Variants in SRP14 observed in about 807,000 individuals in gnomAD.
SRP14 encodes the protein signal recognition particle 14, also known as signal recognition particle 14 kDa protein.
SRP14 carries 1 observed loss-of-function variant against 16.0 expected under a neutral mutation model. That is an observed-to-expected ratio of 0.06 (90% CI 0.02 to 0.30). The LOEUF is 0.30. Ranked by LOEUF, SRP14 falls within the 10% of genes least tolerant of loss-of-function variation. SRP14 has a pLI of 1.00. For synonymous variants in SRP14, 67 were observed against 60.1 expected (o/e 1.12, Z -0.53); for missense variants, 120 against 163.1 (o/e 0.74, Z 1.44).
In SRP14 at chr15:40,036,356, TTGTTGCTGCTGTTGTTGGTGC is replaced by T. The variant is rs747759842; in HGVS notation, c.367_387del (p.Ala123_Thr129del). 1.9e-6 allele frequency: 3 copies of T among 1,609,238 alleles called. No individual in the cohort carries two copies. Among genetic ancestry groups the T allele is most frequent in the African/African-American group, 1.3e-5 (1 of 74,574 alleles). ...CTTTACTGTGCTGCTGTTGCTGCTG[TTGTTGCTGCTGTTGTTGGTGC>T]TGTTGCTGCTGCGGCAGGTGCTGCT... On this transcript the variant is annotated inframe_deletion, in exon 5 of 5. Transcript: ENST00000267884.
intron 4 of SRP14, 109 bp from the exon 5 acceptor site, chr15:40,036,609 A>G (rs2035627689): frequency 2.8e-6 from 3 of 1,078,684 alleles, no homozygotes; most frequent in Admixed American, 4.1e-5. Flanking sequence ...GAAAGAATAT[A>G]GCACCATTGG....
chr15:40,038,237 TC>T (rs753408818), intron 3 of SRP14, 44 bp downstream of exon 3: 1 of 1,472,030 alleles, frequency 6.8e-7, no homozygotes, highest in Non-Finnish European at 9.5e-7. Flanking sequence ...TCTGTTAAGT[TC>T]AAGTCTTTAC....
At chr15:40,038,234 A>G in intron 3 of SRP14, 48 bp downstream of exon 3, 2 of 1,455,728 alleles carry the variant, frequency 1.4e-6, no homozygotes, top group Middle Eastern at 2.2e-4. Flanking sequence ...TCCTCTGTTA[A>G]GTTCAAGTCT....
intron 4 of SRP14, chr15:40,036,783 C>T: frequency 1.5e-6 from 1 of 670,196 alleles, no homozygotes. Flanking sequence ...TATCTACAGC[C>T]TAAGACAAAA....
intron 2 of SRP14, 105 bp downstream of exon 2, chr15:40,038,771 T>G: frequency 8.2e-7 from 1 of 1,220,052 alleles, no homozygotes; most frequent in Non-Finnish European, 1.2e-6. Context: ...CAGTACAGGG[T>G]GGGGAAAGGT....
In SRP14 at chr15:40,038,291, G is replaced by C; in HGVS notation, c.201C>G (p.Ile67Met). Reference protein sequence around the residue: ...LLRATDGKKKISTVVSSKEVN... With the variant: ...LLRATDGKKKMSTVVSSKEVN... The stretch of plus-strand genomic sequence containing the variant: ...TAGAAATTAAGCTCACCACAGTGCT[G>C]ATCTTCTTCTTCCCATCGGTAGCTC... The change falls in exon 3 of 5, where the codon ATC becomes ATG. Residue 67 changes from isoleucine to methionine, a missense_variant. Around this residue, in one of 3 missense-constraint regions of SRP14, gnomAD observed 44 missense variants for 93.1 expected, o/e 0.47. Transcript: ENST00000267884. The C allele has an allele frequency of 6.2e-7, 1 of 1,612,036 alleles. No individual in the cohort carries two copies. The highest frequency in any genetic ancestry group is 1.3e-5 in the African/African-American group (1 of 75,018).
intron 3 of SRP14, 34 bp from the exon 4 acceptor site, chr15:40,037,052 T>C (rs1200048861): frequency 6.2e-7 from 1 of 1,610,458 alleles, no homozygotes; most frequent in Admixed American, 1.7e-5. Flanking sequence ...TCATACCTAT[T>C]ATCCATATAA....
intron 4 of SRP14, 32 bp downstream of exon 4, chr15:40,036,954 G>A (rs2035634175): frequency 6.2e-7 from 1 of 1,612,518 alleles, no homozygotes; most frequent in Non-Finnish European, 8.5e-7. Flanking sequence ...CTTGCCCTGA[G>A]AAGGGAAACA....
chr15:40,038,138 T>C, intron 3 of SRP14, 144 bp downstream of exon 3: 1 of 661,000 alleles, frequency 1.5e-6, no homozygotes, highest in South Asian at 1.7e-5. Context: ...TTTCCACTAC[T>C]AAAGTATAGG....
At chr15:40,036,689 CAG>C (rs2035628895) in intron 4 of SRP14, 189 bp from the exon 5 acceptor site, 1 of 695,330 alleles carries the variant, frequency 1.4e-6, no homozygotes. Context: ...GCAACACCCA[CAG>C]ACAGTTGCAC....
Position 40,036,091 on chromosome 15 carries a change from A to G in SRP14, c.*242T>C, listed in dbSNP as rs4770. ...GCTTGCTCTTCACAGAGATGTCTACAGAGACTTTTAATCTATAATCCAGGA... is the reference window on the plus strand; with the variant it reads ...GCTTGCTCTTCACAGAGATGTCTACGGAGACTTTTAATCTATAATCCAGGA... On this transcript the variant is annotated 3_prime_UTR_variant, in exon 5 of 5. Coordinates refer to ENST00000267884, the MANE Select transcript of SRP14 (RefSeq NM_003134.6). 0.28 allele frequency: 164,437 copies of G among 587,842 alleles called. 26,219 individuals carry two copies. The highest frequency in any genetic ancestry group is 0.33 in the Non-Finnish European group (115,245 of 349,684). The allele number at this position is 587,842 out of a possible 1,614,324, so 36.4% of individuals were successfully genotyped here. A position where few individuals can be genotyped will look rare whatever the true frequency, so the allele number is the denominator to read the frequency against.
chr15:40,037,968 T>C (rs1007977787), intron 3 of SRP14, among the ~76,000 whole-genome samples: 7 of 152,214 alleles, frequency 4.6e-5, no homozygotes, highest in African/African-American at 1.4e-4. Flanking sequence ...AAACTGCTTA[T>C]TGAAGGCCCA....
chr15:40,035,950 T>TAA lies in SRP14; in HGVS notation c.*381_*382dup, dbSNP rs1447125315. 1 of 190,488 alleles carries TAA rather than the reference T, an allele frequency of 5.2e-6. No homozygotes were observed. The highest frequency in any genetic ancestry group is 1.1e-5 in the Non-Finnish European group (1 of 92,930). The allele number at this position is 190,488 out of a possible 1,614,324, so 11.8% of individuals were successfully genotyped here. A position where few individuals can be genotyped will look rare whatever the true frequency, so the allele number is the denominator to read the frequency against. ...AATAACCTAGAAGATATTATAGAGC[T>TAA]AAAGCCTATTCATTAATCACATCAT... On this transcript the variant is annotated 3_prime_UTR_variant, in exon 5 of 5. Transcript: ENST00000267884.
intron 2 of SRP14, 70 bp from the exon 3 acceptor site, chr15:40,038,464 CAGA>C: frequency 9.2e-7 from 1 of 1,084,282 alleles, no homozygotes; most frequent in African/African-American, 1.5e-5. Flanking sequence ...ACAGTTAAAA[CAGA>C]GGAGTGGGGT....
At position 40,038,321 on chromosome 15, in the gene SRP14, C is replaced by T. The variant is rs747748361; in HGVS notation, c.171G>A (p.Leu57=). Residue 57 remains leucine, a synonymous_variant, in exon 3 of 5, where the codon CTG becomes CTA. Coordinates refer to ENST00000267884, the MANE Select transcript of SRP14 (RefSeq NM_003134.6). The part of the protein sequence containing the change: ...EGFEPADNKC[L]LRATDGKKKI... ...TCTTCTTCCCATCGGTAGCTCTTAA[C>T]AGACACTTGTTGTCTGCGGGCTCAA... 2 of 1,614,122 alleles carry T rather than the reference C, an allele frequency of 1.2e-6. No individual in the cohort carries two copies. The highest frequency in any genetic ancestry group is 1.7e-6 in the Non-Finnish European group (2 of 1,179,964).
At chr15:40,038,243 C>G in intron 3 of SRP14, 39 bp downstream of exon 3, 2 of 1,506,174 alleles carry the variant, frequency 1.3e-6, no homozygotes, top group Admixed American at 1.7e-5. Flanking sequence ...AAGTTCAAGT[C>G]TTTACATTTC....
Position 40,036,862 on chromosome 15 carries a change from T to C in SRP14, c.243+124A>G, listed in dbSNP as rs568828784. The C allele has an allele frequency of 3.0e-4, 343 of 1,141,648 alleles. 2 individuals are homozygous for C. In the South Asian group the frequency reaches 4.2e-3, roughly 14 times the overall value. The allele number at this position is 1,141,648 out of a possible 1,614,324, so 70.7% of individuals were successfully genotyped here. A position where few individuals can be genotyped will look rare whatever the true frequency, so the allele number is the denominator to read the frequency against. On this transcript the variant is annotated intron_variant, in intron 4 of 4. Transcript: ENST00000267884. ...AATTCACACCCTGGCAGCTTTTACT[T>C]GAAACATACTGGTAAAACTTATCTC...
chr15:40,037,743 C>G (rs2035652648), intron 3 of SRP14, among the ~76,000 whole-genome samples: 1 of 152,200 alleles, frequency 6.6e-6, no homozygotes, highest in Non-Finnish European at 1.5e-5. Flanking sequence ...TTCATGCAGT[C>G]AGTATCCTAC....
chr15:40,038,795 G>A (rs1479700807), intron 2 of SRP14, 81 bp downstream of exon 2: 1 of 1,477,878 alleles, frequency 6.8e-7, no homozygotes, highest in African/African-American at 1.4e-5. Context: ...GGAAGGCGGC[G>A]GTCCGCGGCA....
Sources: allele counts gnomAD v4.1 joint callset (sites outside exome capture counted in the v4.1 genomes callset), GRCh38; gene constraint gnomAD v4.1.1; regional missense constraint gnomAD v4.1.1; transcripts MANE v1.5; gene names NCBI Gene and HGNC (gene_info 2026-07-23, HGNC 2026-07-21).